MITF: variants seen among roughly 807,000 people sequenced by gnomAD.
The protein encoded by MITF is melanocyte inducing transcription factor, also known as microphthalmia-associated transcription factor.
A neutral mutation model predicts 60.5 loss-of-function variants in MITF; 17 were observed. The ratio of observed to expected loss-of-function variants is 0.28; its 90% confidence interval spans 0.19 to 0.42. MITF has a LOEUF of 0.42. MITF is among the 10% of genes least tolerant of loss of function. The pLI is 1.00. For synonymous variants in MITF, 260 were observed against 248.5 expected (o/e 1.05, Z -0.43); for missense variants, 622 against 683.5 (o/e 0.91, Z 1.00).
intron 1 of MITF, among the ~76,000 whole-genome samples, chr3:69,856,549 G>C (rs1235450113): frequency 6.6e-6 from 1 of 152,094 alleles, no homozygotes; most frequent in Non-Finnish European, 1.5e-5. Context: ...TCCATGCTTA[G>C]TTAATGTGAA....
chr3:69,751,513 C>G (rs1035127281), intron 1 of MITF, among the ~76,000 whole-genome samples: 1 of 151,782 alleles, frequency 6.6e-6, no homozygotes, highest in East Asian at 1.9e-4. Flanking sequence ...GGAAATTCAG[C>G]CTACCCCTGT....
chr3:69,950,310 A>G (rs1309000280), intron 6 of MITF, among the ~76,000 whole-genome samples: 2 of 151,872 alleles, frequency 1.3e-5, no homozygotes, highest in East Asian at 3.9e-4. Context: ...AAAGCAAAAC[A>G]AAACAAAACA....
rs529135885 is a variant in MITF, at chr3:69,913,627, A to G, written c.355-24195A>G. 2.0e-5 allele frequency among the ~76,000 whole-genome samples: 3 copies of G among 152,294 alleles called. No homozygotes were observed. In the South Asian group the frequency reaches 6.2e-4, roughly 32 times the overall value. ...AGTGATTGACTGCATCTCATTTATG[A>G]TGGTGCAGTCTACTCTTTTCAGATA... On this transcript the variant is annotated intron_variant, in intron 2 of 9. Coordinates refer to ENST00000352241, the MANE Select transcript of MITF (RefSeq NM_001354604.2).
chr3:69,782,278 A>C (rs1161127384), intron 1 of MITF, among the ~76,000 whole-genome samples: 1 of 152,212 alleles, frequency 6.6e-6, no homozygotes, highest in Admixed American at 6.5e-5. Flanking sequence ...TGGCTTCATA[A>C]GCTCTTAATT....
intron 7 of MITF, among the ~76,000 whole-genome samples, chr3:69,953,403 A>G (rs1375208252): frequency 6.6e-6 from 1 of 152,096 alleles, no homozygotes; most frequent in Non-Finnish European, 1.5e-5. Context: ...TCTGAAGGCT[A>G]TGAAGCAATC....
At chr3:69,776,396 G>A (rs1326147432) in intron 1 of MITF, among the ~76,000 whole-genome samples, 1 of 152,200 alleles carries the variant, frequency 6.6e-6, no homozygotes, top group Non-Finnish European at 1.5e-5. Flanking sequence ...CCTGGCTTCT[G>A]AATCCTGGAC....
chr3:69,846,609 G>A (rs1205958205), intron 1 of MITF, among the ~76,000 whole-genome samples: 2 of 152,214 alleles, frequency 1.3e-5, no homozygotes, highest in East Asian at 3.9e-4. Flanking sequence ...GAGGTCAGGA[G>A]TTTGAGACCA....
intron 2 of MITF, among the ~76,000 whole-genome samples, chr3:69,888,992 G>A (rs1177692677): frequency 2.2e-5 from 3 of 135,598 alleles, no homozygotes; most frequent in East Asian, 2.2e-4. Flanking sequence ...TGAATCCTTC[G>A]TCTGGTAAGA....
chr3:69,780,188 C>T (rs960978008), intron 1 of MITF, among the ~76,000 whole-genome samples: 3 of 152,066 alleles, frequency 2.0e-5, no homozygotes, highest in South Asian at 2.1e-4. Context: ...CACGTGGAAA[C>T]GATGTTAGGC....
chr3:69,929,385 G>A (rs763956530), intron 2 of MITF, among the ~76,000 whole-genome samples: 1 of 152,128 alleles, frequency 6.6e-6, no homozygotes. Flanking sequence ...TAATGCTCCT[G>A]GGGTGGGGTG....
At chr3:69,875,073 C>A (rs979574409) in intron 1 of MITF, among the ~76,000 whole-genome samples, 3 of 152,142 alleles carry the variant, frequency 2.0e-5, no homozygotes, top group South Asian at 4.2e-4. Context: ...CCAATCCCTG[C>A]AGCACATTAA....
Position 69,965,345 on chromosome 3 carries a change from T to C in MITF, c.*97T>C. 1 of 1,385,162 alleles carries C rather than the reference T, an allele frequency of 7.2e-7. No individual in the cohort carries two copies. Among genetic ancestry groups the C allele is most frequent in the East Asian group, 2.4e-5 (1 of 41,154 alleles). 85.8% of individuals were successfully genotyped at this position (1,385,162 alleles called of 1,614,324 possible). On this transcript the variant is annotated 3_prime_UTR_variant, in exon 10 of 10. Coordinates refer to ENST00000352241, the MANE Select transcript of MITF (RefSeq NM_001354604.2). ...AGGGGTTTTCTTGATAATTTTCCTT[T>C]AATATGAAATTTTTTTTCATGCTTT...
intron 1 of MITF, among the ~76,000 whole-genome samples, chr3:69,808,138 T>A (rs1002081373): frequency 8.8e-5 from 13 of 148,084 alleles, no homozygotes; most frequent in African/African-American, 2.0e-4. Flanking sequence ...TAAAAATATA[T>A]AAATATATAT....
At chr3:69,797,855 G>A (rs2062856124) in intron 1 of MITF, among the ~76,000 whole-genome samples, 1 of 152,226 alleles carries the variant, frequency 6.6e-6, no homozygotes, top group Admixed American at 6.5e-5. Flanking sequence ...ACCCCTGAGT[G>A]CTGTGGGTCA....
chr3:69,808,563 G>T (rs528022209), intron 1 of MITF, among the ~76,000 whole-genome samples: 1 of 152,080 alleles, frequency 6.6e-6, no homozygotes, highest in Non-Finnish European at 1.5e-5. Context: ...CCCTAGGGAG[G>T]TAAAGTGTTT....
At chr3:69,766,404 TTTAGTAGAG>T (rs2106820403) in intron 1 of MITF, among the ~76,000 whole-genome samples, 1 of 133,830 alleles carries the variant, frequency 7.5e-6, no homozygotes, top group Non-Finnish European at 1.6e-5. Context: ...TTTTTTTTTT[TTTAGTAGAG>T]ATGGGGTTTC....
intron 2 of MITF, among the ~76,000 whole-genome samples, chr3:69,902,230 C>T (rs2065009181): frequency 6.6e-6 from 1 of 151,346 alleles, no homozygotes; most frequent in Non-Finnish European, 1.5e-5. Context: ...TTTTTTTTTC[C>T]AGTAATGAAT....
intron 1 of MITF, among the ~76,000 whole-genome samples, chr3:69,759,149 G>A (rs889243529): frequency 6.6e-5 from 10 of 152,288 alleles, no homozygotes; most frequent in African/African-American, 2.2e-4. Flanking sequence ...GCCTCTGGTC[G>A]CAACATTTAA....
chr3:69,809,679 A>G (rs910676225), intron 1 of MITF, among the ~76,000 whole-genome samples: 8 of 150,654 alleles, frequency 5.3e-5, no homozygotes, highest in Non-Finnish European at 1.0e-4. Context: ...ACATAGCATC[A>G]GGCTGACAAT....
Sources: gnomAD v4.1 joint callset for allele counts (sites outside exome capture counted in the v4.1 genomes callset) on GRCh38, gnomAD v4.1.1 for gene constraint, MANE v1.5 for transcripts, NCBI Gene and HGNC (gene_info 2026-07-23, HGNC 2026-07-21) for gene names.